The following ST6GALNAC3 variants were observed in gnomAD, a reference collection of about 807,000 sequenced individuals.
ST6GALNAC3 encodes the protein ST6 N-acetylgalactosaminide alpha-2,6-sialyltransferase 3, also known as alpha-N-acetylgalactosaminide alpha-2,6-sialyltransferase 3.
A neutral mutation model predicts 32.7 loss-of-function variants in ST6GALNAC3; 25 were observed. That is an observed-to-expected ratio of 0.76 (90% confidence interval 0.56 to 1.07). The LOEUF is 1.07. Among genes scored for constraint, ST6GALNAC3 ranks in the 50% least tolerant of loss-of-function variants. The probability of loss-of-function intolerance (pLI) is 0.00; values close to 1 mark genes in which losing one functional copy is unlikely to be tolerated. For missense variants in ST6GALNAC3, 355 were observed against 382.4 expected, an observed-to-expected ratio of 0.93 and a Z score of 0.60; for synonymous variants, 129 against 133.1, an observed-to-expected ratio of 0.97 and a Z score of 0.21.
At chr1:76,198,877 C>T (rs72674502) in intron 1 of ST6GALNAC3, among the ~76,000 whole-genome samples, 4,213 of 152,140 alleles carry the variant, frequency 0.028, 106 homozygotes, top group African/African-American at 0.073. Flanking sequence ...AGTTGAAACT[C>T]TGGGCAAGGC....
intron 1 of ST6GALNAC3, among the ~76,000 whole-genome samples, chr1:76,079,434 T>G (rs1646860281): frequency 6.6e-6 from 1 of 152,230 alleles, no homozygotes; most frequent in Non-Finnish European, 1.5e-5. Context: ...TACACTTTCA[T>G]TTTTAAAAAA....
intron 3 of ST6GALNAC3, among the ~76,000 whole-genome samples, chr1:76,466,754 C>T (rs936996830): frequency 2.0e-5 from 3 of 151,918 alleles, no homozygotes; most frequent in African/African-American, 7.3e-5. Context: ...TTTTAAAAGT[C>T]TGTAATGGGT....
intron 1 of ST6GALNAC3, among the ~76,000 whole-genome samples, chr1:76,178,697 T>C (rs1652993809): frequency 6.6e-6 from 1 of 152,180 alleles, no homozygotes; most frequent in Non-Finnish European, 1.5e-5. Flanking sequence ...GGACAATGAA[T>C]GAGCTTTGGA....
At chr1:76,542,938 T>G (rs561709316) in intron 3 of ST6GALNAC3, among the ~76,000 whole-genome samples, 1 of 152,044 alleles carries the variant, frequency 6.6e-6, no homozygotes, top group African/African-American at 2.4e-5. Context: ...CTCTGTGGGG[T>G]TGTTTCTGCT....
At chr1:76,435,935 G>A (rs1656109366) in intron 3 of ST6GALNAC3, among the ~76,000 whole-genome samples, 1 of 151,248 alleles carries the variant, frequency 6.6e-6, no homozygotes, top group African/African-American at 2.4e-5. Flanking sequence ...AAGTTCTTTG[G>A]TGGTGATCTG....
intron 1 of ST6GALNAC3, among the ~76,000 whole-genome samples, chr1:76,258,939 C>G (rs1658073534): frequency 6.6e-6 from 1 of 152,122 alleles, no homozygotes; most frequent in Non-Finnish European, 1.5e-5. Flanking sequence ...ATTTTCTTGT[C>G]AGGTGAGGGC....
intron 1 of ST6GALNAC3, among the ~76,000 whole-genome samples, chr1:76,082,551 T>C (rs1478439905): frequency 1.3e-5 from 2 of 152,220 alleles, no homozygotes; most frequent in Non-Finnish European, 2.9e-5. Context: ...TTATCTGCGC[T>C]TTCTCTATTG....
chr1:76,570,560 T>C (rs79873147), intron 3 of ST6GALNAC3, among the ~76,000 whole-genome samples: 1,890 of 152,214 alleles, frequency 0.012, 38 homozygotes, highest in African/African-American at 0.043. Context: ...AATGTCTTTC[T>C]CCCTAAATTT....
At chr1:76,311,038 T>A (rs1646752019) in intron 1 of ST6GALNAC3, among the ~76,000 whole-genome samples, 1 of 152,182 alleles carries the variant, frequency 6.6e-6, no homozygotes, top group Non-Finnish European at 1.5e-5. Context: ...GTCAGCCGCT[T>A]CTGTCCTGTC....
chr1:76,270,588 A>G (rs1013434720), intron 1 of ST6GALNAC3, among the ~76,000 whole-genome samples: 6 of 152,016 alleles, frequency 3.9e-5, no homozygotes, highest in African/African-American at 1.4e-4. Context: ...CATTTCTAAA[A>G]GAGTTTCATT....
chr1:76,157,814 C>G (rs1387527209), intron 1 of ST6GALNAC3, among the ~76,000 whole-genome samples: 11 of 152,302 alleles, frequency 7.2e-5, no homozygotes, highest in Admixed American at 2.0e-4. Flanking sequence ...TCCTCCATAC[C>G]TGGAAACCAT....
At position 76,378,080 on chromosome 1, in the gene ST6GALNAC3, C is replaced by T. The variant is rs144502825; in HGVS notation, c.214-33928C>T. On this transcript the variant is annotated intron_variant, in intron 2 of 4. Coordinates refer to ENST00000328299, the MANE Select transcript of ST6GALNAC3 (RefSeq NM_152996.4). Reference sequence around the variant, plus strand: ...TGAAGTAAAAAGAGCTTACTCCAGGCCTCTTGGCTCTTGTCCCTACCTTAG... The same window carrying T: ...TGAAGTAAAAAGAGCTTACTCCAGGTCTCTTGGCTCTTGTCCCTACCTTAG... Among the ~76,000 whole-genome samples, 81 of 152,264 alleles carry T rather than the reference C, an allele frequency of 5.3e-4. No homozygotes were observed. The East Asian group carries it at 0.01, about 19-fold the overall frequency.
intron 3 of ST6GALNAC3, among the ~76,000 whole-genome samples, chr1:76,544,896 G>T (rs538539833): frequency 2.0e-5 from 3 of 152,118 alleles, no homozygotes; most frequent in East Asian, 1.9e-4. Context: ...TCCATGAAAG[G>T]GATCACATTT....
intron 1 of ST6GALNAC3, among the ~76,000 whole-genome samples, chr1:76,280,376 A>C (rs1659428649): frequency 6.6e-6 from 1 of 152,202 alleles, no homozygotes; most frequent in South Asian, 2.1e-4. Flanking sequence ...TTCTTCCTAG[A>C]ACTAACTACT....
chr1:76,213,200 T>C (rs1452680196), intron 1 of ST6GALNAC3, among the ~76,000 whole-genome samples: 6 of 152,178 alleles, frequency 3.9e-5, no homozygotes, highest in Admixed American at 3.9e-4. Context: ...CAATGGGATC[T>C]GTTAGGAATG....
intron 2 of ST6GALNAC3, among the ~76,000 whole-genome samples, chr1:76,348,927 C>T (rs750919663): frequency 3.3e-5 from 5 of 152,100 alleles, no homozygotes; most frequent in Non-Finnish European, 7.4e-5. Context: ...ATAGTACATA[C>T]TCAGTAATGA....
intron 1 of ST6GALNAC3, among the ~76,000 whole-genome samples, chr1:76,167,301 A>G (rs933047326): frequency 2.0e-5 from 3 of 152,226 alleles, no homozygotes; most frequent in Non-Finnish European, 2.9e-5. Context: ...GCTCACATTA[A>G]TTGATTTGCA....
intron 1 of ST6GALNAC3, among the ~76,000 whole-genome samples, chr1:76,253,915 G>T (rs1408117675): frequency 6.6e-6 from 1 of 152,086 alleles, no homozygotes; most frequent in African/African-American, 2.4e-5. Flanking sequence ...CACAGATCTT[G>T]GGATCATTCA....
intron 3 of ST6GALNAC3, among the ~76,000 whole-genome samples, chr1:76,475,342 A>T (rs1296192186): frequency 6.6e-6 from 1 of 152,196 alleles, no homozygotes; most frequent in South Asian, 2.1e-4. Flanking sequence ...TAAAAACCTC[A>T]GTCACTTCAG....
Sources: gnomAD v4.1 joint callset for allele counts (sites outside exome capture counted in the v4.1 genomes callset) on GRCh38, gnomAD v4.1.1 for gene constraint, MANE v1.5 for transcripts, NCBI Gene and HGNC (gene_info 2026-07-23, HGNC 2026-07-21) for gene names.